Variants in SPIRE1 observed in about 807,000 individuals in gnomAD.
The protein encoded by SPIRE1 is spire type actin nucleation factor 1.
SPIRE1 carries 40 observed loss-of-function variants against 94.1 expected under a neutral mutation model. The observed-to-expected ratio is 0.43, with a 90% CI of 0.33 to 0.55. SPIRE1 has a LOEUF of 0.55. SPIRE1 is among the 20% of genes least tolerant of loss of function. The pLI is 0.06. For synonymous variants in SPIRE1, 376 were observed against 371.7 expected, an observed-to-expected ratio of 1.01 and a Z score of -0.13; for missense variants, 838 against 975.2, an observed-to-expected ratio of 0.86 and a Z score of 1.87.
chr18:12,462,245 T>C (rs1308716761), intron 12 of SPIRE1, among the ~76,000 whole-genome samples: 1 of 152,230 alleles, frequency 6.6e-6, no homozygotes. Flanking sequence ...GTCTTCACAA[T>C]AATCGCATTA....
intron 2 of SPIRE1, among the ~76,000 whole-genome samples, chr18:12,562,115 T>C (rs2035703893): frequency 6.6e-6 from 1 of 152,218 alleles, no homozygotes; most frequent in Non-Finnish European, 1.5e-5. Flanking sequence ...CATTCTTTCT[T>C]ATTAGTAGGA....
At chr18:12,550,983 A>AAGTGCTCTT (rs1267656253) in intron 2 of SPIRE1, among the ~76,000 whole-genome samples, 1 of 152,184 alleles carries the variant, frequency 6.6e-6, no homozygotes, top group Non-Finnish European at 1.5e-5. Flanking sequence ...ATCTCTTGCA[A>AAGTGCTCTT]AGTGCTCTTA....
At chr18:12,571,482 G>C (rs962110496) in intron 2 of SPIRE1, among the ~76,000 whole-genome samples, 1 of 152,166 alleles carries the variant, frequency 6.6e-6, no homozygotes, top group African/African-American at 2.4e-5. Flanking sequence ...ATCTGGGTAT[G>C]CATTCTGCGT....
chr18:12,474,852 C>T (rs890894164), intron 10 of SPIRE1, among the ~76,000 whole-genome samples: 7 of 152,054 alleles, frequency 4.6e-5, no homozygotes, highest in African/African-American at 1.7e-4. Context: ...GTTTGGAAGC[C>T]AGCCATTAAA....
At chr18:12,626,883 TATA>T in intron 2 of SPIRE1, among the ~76,000 whole-genome samples, 1 of 53,438 alleles carries the variant, frequency 1.9e-5, no homozygotes, top group East Asian at 8.2e-4. Flanking sequence ...TATATATATA[TATA>T]TTTTTTTTTT....
chr18:12,466,954 A>G (rs1348247948), intron 10 of SPIRE1, among the ~76,000 whole-genome samples: 1 of 152,318 alleles, frequency 6.6e-6, no homozygotes, highest in East Asian at 1.9e-4. Flanking sequence ...ACAGGGCGGA[A>G]AAAAAGGCCA....
At chr18:12,480,295 G>A (rs1199049145) in intron 9 of SPIRE1, among the ~76,000 whole-genome samples, 1 of 152,124 alleles carries the variant, frequency 6.6e-6, no homozygotes, top group Non-Finnish European at 1.5e-5. Context: ...AATAAAAATG[G>A]CTAATAATCT....
At chr18:12,605,284 C>T (rs569238633) in intron 2 of SPIRE1, among the ~76,000 whole-genome samples, 8 of 149,918 alleles carry the variant, frequency 5.3e-5, no homozygotes, top group South Asian at 4.3e-4. Flanking sequence ...TTTGGGAGGC[C>T]GAGGTGGGCG....
intron 6 of SPIRE1, among the ~76,000 whole-genome samples, chr18:12,500,350 C>T (rs902950349): frequency 2.6e-5 from 4 of 152,138 alleles, no homozygotes; most frequent in African/African-American, 7.2e-5. Context: ...TTCACAAGCA[C>T]ATGAAAACAT....
chr18:12,522,904 C>T (rs2034402426), intron 4 of SPIRE1, among the ~76,000 whole-genome samples: 1 of 152,198 alleles, frequency 6.6e-6, no homozygotes, highest in African/African-American at 2.4e-5. Context: ...TTCATGCCTG[C>T]TAACACAACA....
intron 1 of SPIRE1, among the ~76,000 whole-genome samples, chr18:12,639,244 G>A (rs922692369): frequency 6.6e-6 from 1 of 151,470 alleles, no homozygotes; most frequent in Non-Finnish European, 1.5e-5. Context: ...CACCCTGGGC[G>A]AGACAGCGCC....
intron 2 of SPIRE1, among the ~76,000 whole-genome samples, chr18:12,580,354 C>T (rs772667978): frequency 1.3e-4 from 19 of 151,910 alleles, no homozygotes; most frequent in Non-Finnish European, 2.2e-4. Context: ...GATGGAGTCT[C>T]GCTCTGTCAC....
chr18:12,539,225 G>T (rs1168035651), intron 3 of SPIRE1, among the ~76,000 whole-genome samples: 1 of 152,112 alleles, frequency 6.6e-6, no homozygotes, highest in Non-Finnish European at 1.5e-5. Context: ...GGAGGGACCT[G>T]GTGGGAGGTA....
At chr18:12,479,586 T>C in intron 10 of SPIRE1, 113 bp downstream of exon 10, 1 of 1,013,218 alleles carries the variant, frequency 9.9e-7, no homozygotes, top group Non-Finnish European at 1.4e-6. Context: ...CTTTACTGGT[T>C]GAAAAATGGG....
At chr18:12,615,204 T>G (rs1598533849) in intron 2 of SPIRE1, among the ~76,000 whole-genome samples, 1 of 149,832 alleles carries the variant, frequency 6.7e-6, no homozygotes, top group South Asian at 2.1e-4. Context: ...GGCACACACC[T>G]GTAATCCTAG....
chr18:12,461,904 A>T (rs1420080417), intron 12 of SPIRE1, among the ~76,000 whole-genome samples: 1 of 152,182 alleles, frequency 6.6e-6, no homozygotes, highest in Non-Finnish European at 1.5e-5. Context: ...AAGTGCTGGG[A>T]TTACAGGTGT....
chr18:12,501,710 T>C (rs1402291995), intron 6 of SPIRE1, among the ~76,000 whole-genome samples: 1 of 152,192 alleles, frequency 6.6e-6, no homozygotes, highest in Non-Finnish European at 1.5e-5. Flanking sequence ...CCTATAATCC[T>C]AGCACTTTGG....
rs1231212124 is a variant in SPIRE1, at chr18:12,448,400, G to A, written c.*1238C>T. 1 of 152,526 alleles carries A rather than the reference G, an allele frequency of 6.6e-6. No individual in the cohort carries two copies. Among genetic ancestry groups the A allele is most frequent in the African/African-American group, 2.4e-5 (1 of 41,392 alleles). 9.4% of individuals were successfully genotyped at this position (152,526 alleles called of 1,614,324 possible). ...CCAAACATTAATGACAATTTGATTG[G>A]TTAGTCATTTGTAAGCATACCAAAA... On this transcript the variant is annotated 3_prime_UTR_variant, in exon 17 of 17. Coordinates refer to ENST00000409402, the MANE Select transcript of SPIRE1 (RefSeq NM_001128626.2). The surrounding 1 kb of genome is among the most constrained non-coding windows in gnomAD (Gnocchi z 4.4).
intron 2 of SPIRE1, among the ~76,000 whole-genome samples, chr18:12,589,239 A>C (rs930647476): frequency 3.9e-5 from 6 of 152,208 alleles, no homozygotes; most frequent in Admixed American, 2.6e-4. Flanking sequence ...AGACTAAGTA[A>C]GTAACAGAGC....
Sources: gnomAD v4.1 joint callset for allele counts (sites outside exome capture counted in the v4.1 genomes callset) on GRCh38, gnomAD v4.1.1 for gene constraint, Gnocchi (gnomAD v3.1) non-coding constraint, MANE v1.5 for transcripts, NCBI Gene and HGNC (gene_info 2026-07-23, HGNC 2026-07-21) for gene names.